RNF114: variants seen among roughly 807,000 people sequenced by gnomAD.
The protein encoded by RNF114 is E3 ubiquitin-protein ligase RNF114.
In RNF114, 6 loss-of-function variants were observed where a neutral mutation model predicts 28.4. The observed-to-expected ratio is 0.21, with a 90% CI of 0.12 to 0.42. The LOEUF (loss-of-function observed/expected upper bound fraction) is 0.42, where lower values mean the gene tolerates loss of function less well. RNF114 is among the 10% of genes least tolerant of loss of function. The probability of loss-of-function intolerance (pLI) is 1.00; values close to 1 mark genes in which losing one functional copy is unlikely to be tolerated. For missense variants in RNF114, 249 were observed against 311.7 expected (o/e 0.80, Z 1.51); for synonymous variants, 115 against 116.7 (o/e 0.99, Z 0.09).
At chr20:49,940,007 T>C (rs1343208169) in intron 1 of RNF114, among the ~76,000 whole-genome samples, 1 of 144,302 alleles carries the variant, frequency 6.9e-6, no homozygotes, top group African/African-American at 2.5e-5. Context: ...TGAGCCGAGA[T>C]TGCACCATTG....
At chr20:49,947,867 C>G (rs902569333) in intron 4 of RNF114, among the ~76,000 whole-genome samples, 5 of 143,238 alleles carry the variant, frequency 3.5e-5, no homozygotes, top group African/African-American at 1.3e-4. Context: ...TCTCGACTCA[C>G]TGCAAGCTCC....
At chr20:49,950,745 T>C (rs922876168) in intron 5 of RNF114, among the ~76,000 whole-genome samples, 1 of 149,786 alleles carries the variant, frequency 6.7e-6, no homozygotes. Context: ...GGAGGCTCAA[T>C]CTCGCATGTC....
chr20:49,949,522 A>G (rs2090347570), intron 5 of RNF114, among the ~76,000 whole-genome samples, 167 bp downstream of exon 5: 1 of 152,144 alleles, frequency 6.6e-6, no homozygotes, highest in South Asian at 2.1e-4. Context: ...GACAAGAGAG[A>G]AAAGAAGACT....
At chr20:49,951,146 T>C (rs1400080072) in intron 5 of RNF114, among the ~76,000 whole-genome samples, 1 of 152,078 alleles carries the variant, frequency 6.6e-6, no homozygotes, top group East Asian at 1.9e-4. Flanking sequence ...TGGTATTCGG[T>C]CTTGATGGCT....
At chr20:49,945,759 G>A (rs1184380579) in intron 3 of RNF114, among the ~76,000 whole-genome samples, 4 of 152,152 alleles carry the variant, frequency 2.6e-5, no homozygotes, top group East Asian at 1.9e-4. Flanking sequence ...TCTGCCTCCC[G>A]GGTTCAAGCG....
intron 4 of RNF114, among the ~76,000 whole-genome samples, chr20:49,948,346 C>G (rs2090342646): frequency 6.6e-6 from 1 of 152,130 alleles, no homozygotes; most frequent in Non-Finnish European, 1.5e-5. Flanking sequence ...TCTGCACTCA[C>G]TGGTCTGGTT....
chr20:49,940,848 T>C (rs2090304910), intron 1 of RNF114, among the ~76,000 whole-genome samples: 1 of 151,182 alleles, frequency 6.6e-6, no homozygotes, highest in Admixed American at 6.6e-5. Flanking sequence ...TTCAAGCAAT[T>C]CTCCTGCCTC....
chr20:49,947,189 T>C (rs2090335513), intron 4 of RNF114, among the ~76,000 whole-genome samples: 2 of 130,852 alleles, frequency 1.5e-5, no homozygotes, highest in African/African-American at 6.3e-5. Flanking sequence ...CACTGCACTC[T>C]AGTCTGGGCA....
intron 1 of RNF114, among the ~76,000 whole-genome samples, chr20:49,940,746 C>T (rs916316780): frequency 2.0e-5 from 3 of 150,750 alleles, no homozygotes; most frequent in Non-Finnish European, 4.4e-5. Flanking sequence ...TCAGAGATGC[C>T]GTCTCTGCAG....
chr20:49,950,039 C>CG (rs2090349447), intron 5 of RNF114, among the ~76,000 whole-genome samples: 2 of 146,328 alleles, frequency 1.4e-5, no homozygotes, highest in African/African-American at 5.0e-5. Flanking sequence ...ATCCTGAGGT[C>CG]GGGGGTTCGA....
In RNF114 at chr20:49,936,566, C is replaced by T. The variant is rs368133685; in HGVS notation, c.140+14C>T. On this transcript the variant is annotated intron_variant, in intron 1 of 5. Coordinates refer to ENST00000244061, the MANE Select transcript of RNF114 (RefSeq NM_018683.4). ...CTGCGGACACGTGTAAGCGGCGAGC[C>T]CGGGCCTGGTCGGGGGGCGCTTAAC... The T allele has an allele frequency of 1.1e-4, 181 of 1,582,564 alleles. No homozygotes were observed. Among genetic ancestry groups the T allele is most frequent in the African/African-American group, 8.0e-4 (58 of 72,836 alleles).
chr20:49,950,458 A>C (rs2090351049), intron 5 of RNF114, among the ~76,000 whole-genome samples: 1 of 151,718 alleles, frequency 6.6e-6, no homozygotes, highest in Non-Finnish European at 1.5e-5. Flanking sequence ...AGGCAGGTGG[A>C]TCGCTTGAGC....
intron 4 of RNF114, among the ~76,000 whole-genome samples, chr20:49,947,987 T>C (rs1303398587): frequency 6.6e-6 from 1 of 151,638 alleles, no homozygotes. Flanking sequence ...AGACGGGGTT[T>C]CACCGTGTTA....
At chr20:49,946,339 T>G in intron 4 of RNF114, 89 bp downstream of exon 4, 1 of 651,778 alleles carries the variant, frequency 1.5e-6, no homozygotes, top group Non-Finnish European at 2.7e-6. Context: ...AATGAACTCC[T>G]GTGTGCCCTT....
chr20:49,951,241 G>A (rs1290940534), intron 5 of RNF114, among the ~76,000 whole-genome samples: 2 of 151,464 alleles, frequency 1.3e-5, no homozygotes, highest in Non-Finnish European at 2.9e-5. Flanking sequence ...CTGAAACTCA[G>A]ACTTCAGAAT....
chr20:49,945,330 G>A (rs1365885110), intron 2 of RNF114, 52 bp from the exon 3 acceptor site: 5 of 1,104,592 alleles, frequency 4.5e-6, no homozygotes, highest in Non-Finnish European at 7.0e-6. Flanking sequence ...ACTATATTTT[G>A]CCTGTTGCAA....
intron 1 of RNF114, among the ~76,000 whole-genome samples, chr20:49,939,520 T>C (rs1000533188): frequency 1.3e-5 from 2 of 152,186 alleles, no homozygotes; most frequent in African/African-American, 4.8e-5. Flanking sequence ...GTCTTCTCCA[T>C]TCTTTCTGTA....
Position 49,952,450 on chromosome 20 carries a change from T to C in RNF114, c.*309T>C. The stretch of plus-strand genomic sequence containing the variant: ...GAAGATAATCTAGCTTCTCCACCTC[T>C]TGTTTCACACTCATTCCTCCCATCC... On this transcript the variant is annotated 3_prime_UTR_variant, in exon 6 of 6. Coordinates refer to ENST00000244061, the MANE Select transcript of RNF114 (RefSeq NM_018683.4). The C allele has an allele frequency of 1.9e-6, 1 of 520,654 alleles. No individual in the cohort carries two copies. Among genetic ancestry groups the C allele is most frequent in the Non-Finnish European group, 3.4e-6 (1 of 292,188 alleles). 32.3% of individuals were successfully genotyped at this position (520,654 alleles called of 1,614,324 possible).
rs893519377 is a variant in RNF114, at chr20:49,953,785, A to G, written c.*1644A>G. The G allele has an allele frequency of 2.0e-5, 3 of 152,078 alleles. No individual in the cohort carries two copies. Among genetic ancestry groups the G allele is most frequent in the Non-Finnish European group, 4.4e-5 (3 of 68,014 alleles). The allele number at this position is 152,078 out of a possible 1,614,324, so 9.4% of individuals were successfully genotyped here. A position where few individuals can be genotyped will look rare whatever the true frequency, so the allele number is the denominator to read the frequency against. On this transcript the variant is annotated 3_prime_UTR_variant, in exon 6 of 6. Coordinates refer to ENST00000244061, the MANE Select transcript of RNF114 (RefSeq NM_018683.4). ...AAACTTACTTCCTTGTATTAAGTGC[A>G]CTTCTTGTATTTCTAATAAGATGAC...
Sources: allele counts gnomAD v4.1 joint callset (sites outside exome capture counted in the v4.1 genomes callset), GRCh38; gene constraint gnomAD v4.1.1; transcripts MANE v1.5; gene names NCBI Gene and HGNC (gene_info 2026-07-23, HGNC 2026-07-21).